LYPD6B: variants seen among roughly 807,000 people sequenced by gnomAD.
The protein encoded by LYPD6B is LY6/PLAUR domain containing 6B.
Under a neutral mutation model 22.8 loss-of-function variants are expected in LYPD6B, and 17 were observed. That is an observed-to-expected ratio of 0.75 (90% confidence interval 0.51 to 1.12). The LOEUF (loss-of-function observed/expected upper bound fraction) is 1.12. Among genes scored for constraint, LYPD6B ranks in the 50% most tolerant of loss-of-function variants. The pLI, the probability that LYPD6B is intolerant of heterozygous loss-of-function variation, is 0.00. For synonymous variants in LYPD6B, 106 were observed against 91.6 expected (o/e 1.16, Z -0.90); for missense variants, 221 against 258.3 (o/e 0.86, Z 0.99).
At chr2:149,189,681 A>G (rs763194849) in intron 3 of LYPD6B, among the ~76,000 whole-genome samples, 4 of 151,992 alleles carry the variant, frequency 2.6e-5, no homozygotes, top group Admixed American at 2.0e-4. Context: ...AAGCAAGGCA[A>G]TGCTTCCTGG....
At chr2:149,044,567 C>T (rs1007097625) in intron 1 of LYPD6B, among the ~76,000 whole-genome samples, 7 of 151,968 alleles carry the variant, frequency 4.6e-5, no homozygotes, top group African/African-American at 1.7e-4. Flanking sequence ...AACCTAAATG[C>T]CGTGTCTTTC....
chr2:149,054,933 T>A (rs1010445008), intron 1 of LYPD6B, among the ~76,000 whole-genome samples: 1 of 152,110 alleles, frequency 6.6e-6, no homozygotes, highest in Non-Finnish European at 1.5e-5. Context: ...ATTTTTTTTC[T>A]TTTTTTCGCT....
intron 4 of LYPD6B, among the ~76,000 whole-genome samples, chr2:149,206,472 A>G (rs1052781785): frequency 6.6e-6 from 1 of 152,166 alleles, no homozygotes; most frequent in Non-Finnish European, 1.5e-5. Flanking sequence ...ACATTTCTAA[A>G]TTGGTAATAA....
chr2:149,199,968 C>T (rs1693051748), intron 3 of LYPD6B, among the ~76,000 whole-genome samples: 1 of 152,224 alleles, frequency 6.6e-6, no homozygotes, highest in East Asian at 1.9e-4. Flanking sequence ...CAGCCAGAAG[C>T]AAGTAAATGG....
At chr2:149,214,377 A>T (rs1239526577) in intron 6 of LYPD6B, among the ~76,000 whole-genome samples, 169 bp from the exon 7 acceptor site, 1 of 152,110 alleles carries the variant, frequency 6.6e-6, no homozygotes, top group Non-Finnish European at 1.5e-5. Flanking sequence ...TTCTATTGGC[A>T]TTGGTGGGGG....
intron 3 of LYPD6B, among the ~76,000 whole-genome samples, chr2:149,170,682 C>A (rs1356047866): frequency 6.6e-6 from 1 of 152,132 alleles, no homozygotes; most frequent in Non-Finnish European, 1.5e-5. Flanking sequence ...GAAAACCTGG[C>A]ATGTAGAAAA....
At chr2:149,067,370 A>T (rs1558978065) in intron 1 of LYPD6B, among the ~76,000 whole-genome samples, 1 of 152,118 alleles carries the variant, frequency 6.6e-6, no homozygotes, top group South Asian at 2.1e-4. Flanking sequence ...AATAATTTAA[A>T]CATCTTTTAA....
intron 1 of LYPD6B, chr2:149,101,144 T>C (rs1042429766): frequency 9.9e-5 from 15 of 152,236 alleles, no homozygotes; most frequent in African/African-American, 3.1e-4. Flanking sequence ...TTCAGCTGAT[T>C]ACTCAGCTAT....
At chr2:149,171,773 T>G (rs1690842060) in intron 3 of LYPD6B, among the ~76,000 whole-genome samples, 1 of 152,204 alleles carries the variant, frequency 6.6e-6, no homozygotes, top group Non-Finnish European at 1.5e-5. Flanking sequence ...TCTGTTGGTT[T>G]AGGGAGAAAA....
chr2:149,070,762 T>C (rs999405106), intron 1 of LYPD6B, among the ~76,000 whole-genome samples: 2 of 152,216 alleles, frequency 1.3e-5, no homozygotes, highest in African/African-American at 4.8e-5. Context: ...TTGGTAATCA[T>C]AGGAAGTAAA....
intron 2 of LYPD6B, among the ~76,000 whole-genome samples, chr2:149,135,865 C>T (rs1451041078): frequency 6.6e-6 from 1 of 151,582 alleles, no homozygotes; most frequent in Admixed American, 6.6e-5. Context: ...TACCTTATGT[C>T]ACATTAAGGG....
At chr2:149,192,350 G>A (rs62188655) in intron 3 of LYPD6B, among the ~76,000 whole-genome samples, 5,571 of 151,850 alleles carry the variant, frequency 0.037, 149 homozygotes, top group Middle Eastern at 0.087. Flanking sequence ...CTTTGATATT[G>A]GCAAAGAAGC....
intron 2 of LYPD6B, among the ~76,000 whole-genome samples, chr2:149,155,844 C>T (rs548061226): frequency 6.6e-6 from 1 of 152,282 alleles, no homozygotes; most frequent in South Asian, 2.1e-4. Context: ...CCTCTCAGCA[C>T]TAACAAAGGA....
intron 4 of LYPD6B, chr2:149,205,951 A>G (rs978478004): frequency 2.3e-6 from 1 of 437,506 alleles, no homozygotes; most frequent in Non-Finnish European, 4.6e-6. Flanking sequence ...ATATGTTAAT[A>G]CATTTTACAT....
At chr2:149,057,465 CG>C in intron 1 of LYPD6B, among the ~76,000 whole-genome samples, 1 of 151,628 alleles carries the variant, frequency 6.6e-6, no homozygotes, top group South Asian at 2.1e-4. Context: ...AAAATGCTTT[CG>C]GGTTCACATT....
intron 3 of LYPD6B, chr2:149,200,488 C>G (rs1693078839): frequency 6.6e-6 from 1 of 151,336 alleles, no homozygotes; most frequent in Non-Finnish European, 1.5e-5. Flanking sequence ...TACTGAGTAT[C>G]TAGCATGCAC....
In LYPD6B at chr2:149,130,655, T is replaced by C. The variant is rs1029866890; in HGVS notation, c.-66-228T>C. The stretch of plus-strand genomic sequence containing the variant: ...AATTCTTGCAGACACTAAAAATGTG[T>C]ATCCATTCCATCTATGTCCTGCCAA... On this transcript the variant is annotated intron_variant, in intron 1 of 6. Coordinates refer to ENST00000409642, the MANE Select transcript of LYPD6B (RefSeq NM_177964.5). Among the ~76,000 whole-genome samples the C allele has an allele frequency of 2.6e-5, 4 of 152,184 alleles. No homozygotes were observed. In the East Asian group the frequency reaches 7.7e-4, roughly 29 times the overall value.
At chr2:149,130,789 C>T (rs1232013794) in intron 1 of LYPD6B, 94 bp from the exon 2 acceptor site, 5 of 631,098 alleles carry the variant, frequency 7.9e-6, no homozygotes, top group African/African-American at 1.8e-5. Flanking sequence ...ATGATGTGTC[C>T]CCAGCCTAAA....
intron 3 of LYPD6B, among the ~76,000 whole-genome samples, chr2:149,189,361 T>TAC (rs1692341707): frequency 1.2e-5 from 1 of 86,216 alleles, no homozygotes; most frequent in Non-Finnish European, 2.7e-5. Flanking sequence ...TATATATATA[T>TAC]ATATATACAC....
Sources: gnomAD v4.1 joint callset for allele counts (sites outside exome capture counted in the v4.1 genomes callset) on GRCh38, gnomAD v4.1.1 for gene constraint, MANE v1.5 for transcripts, NCBI Gene and HGNC (gene_info 2026-07-23, HGNC 2026-07-21) for gene names.